The following PCDH15 variants were observed in gnomAD, a reference collection of about 807,000 sequenced individuals.
PCDH15 encodes the protein protocadherin-15.
Under a neutral mutation model 178.5 loss-of-function variants are expected in PCDH15, and 129 were observed. That is an observed-to-expected ratio of 0.72 (90% CI 0.63 to 0.84). The LOEUF (loss-of-function observed/expected upper bound fraction) is 0.84. Among genes scored for constraint, PCDH15 ranks in the 40% least tolerant of loss-of-function variants. The pLI, the probability that PCDH15 is intolerant of heterozygous loss-of-function variation, is 0.00. For missense variants in PCDH15, 2,230 were observed against 2,099.9 expected (o/e 1.06, Z -1.21); for synonymous variants, 800 against 732.0 (o/e 1.09, Z -1.50).
chr10:55,495,119 T>A (rs985274236), intron 2 of PCDH15, among the ~76,000 whole-genome samples: 1 of 151,730 alleles, frequency 6.6e-6, no homozygotes, highest in African/African-American at 2.4e-5. Context: ...ATTATATACC[T>A]AAATATGTAT....
chr10:54,050,886 T>C (rs984465806), intron 18 of PCDH15, among the ~76,000 whole-genome samples: 13 of 152,130 alleles, frequency 8.5e-5, no homozygotes, highest in Non-Finnish European at 1.9e-4. Flanking sequence ...TTGGAGGTAA[T>C]TGAATCATGG....
intron 15 of PCDH15, among the ~76,000 whole-genome samples, chr10:54,103,166 T>C (rs1404879998): frequency 6.6e-6 from 1 of 152,196 alleles, no homozygotes; most frequent in Admixed American, 6.5e-5. Flanking sequence ...GATTCTCTGT[T>C]TTTATAATTC....
intron 2 of PCDH15, among the ~76,000 whole-genome samples, chr10:54,611,077 T>G (rs868633845): frequency 2.6e-5 from 4 of 151,780 alleles, no homozygotes; most frequent in South Asian, 4.1e-4. Context: ...TAACACAATA[T>G]AGTCCACAAA....
intron 2 of PCDH15, among the ~76,000 whole-genome samples, chr10:54,975,036 A>G (rs999092647): frequency 2.6e-5 from 4 of 152,136 alleles, no homozygotes; most frequent in Non-Finnish European, 5.9e-5. Context: ...TAGCTTTTCT[A>G]TTGGACACAC....
intron 15 of PCDH15, among the ~76,000 whole-genome samples, chr10:54,110,761 G>GA (rs2095006066): frequency 1.3e-5 from 2 of 152,110 alleles, no homozygotes; most frequent in Non-Finnish European, 2.9e-5. Context: ...GTATGACTGG[G>GA]AAAATCAGAG....
At chr10:55,388,531 C>A (rs959330987) in intron 2 of PCDH15, among the ~76,000 whole-genome samples, 1 of 151,990 alleles carries the variant, frequency 6.6e-6, no homozygotes, top group African/African-American at 2.4e-5. Flanking sequence ...GATCTTCAAA[C>A]AAATTAACAG....
intron 19 of PCDH15, among the ~76,000 whole-genome samples, chr10:54,021,570 C>T (rs1192447353): frequency 2.6e-5 from 4 of 151,804 alleles, no homozygotes; most frequent in South Asian, 2.1e-4. Flanking sequence ...CAGGCTTTTT[C>T]CCCCCAACTA....
chr10:53,845,176 C>T (rs1283365017), intron 28 of PCDH15, among the ~76,000 whole-genome samples: 1 of 151,870 alleles, frequency 6.6e-6, no homozygotes, highest in Non-Finnish European at 1.5e-5. Flanking sequence ...GAAATATTAT[C>T]TCATCCCAAC....
intron 2 of PCDH15, among the ~76,000 whole-genome samples, chr10:55,517,260 G>T (rs1184528856): frequency 1.3e-5 from 2 of 152,006 alleles, no homozygotes; most frequent in Non-Finnish European, 2.9e-5. Flanking sequence ...GTTGTTGTTT[G>T]CTTCTTTTAC....
intron 2 of PCDH15, among the ~76,000 whole-genome samples, chr10:54,945,133 T>C (rs1015657253): frequency 2.6e-5 from 4 of 151,892 alleles, no homozygotes; most frequent in Non-Finnish European, 4.4e-5. Flanking sequence ...AGTTTTATTA[T>C]ATTTTTGTTG....
At chr10:55,069,291 T>C (rs1591875879) in intron 2 of PCDH15, among the ~76,000 whole-genome samples, 1 of 151,596 alleles carries the variant, frequency 6.6e-6, no homozygotes, top group Non-Finnish European at 1.5e-5. Flanking sequence ...AATTTTTTTT[T>C]TATACTTTAA....
chr10:55,201,272 A>G (rs1433730635), intron 1 of PCDH15, among the ~76,000 whole-genome samples: 1 of 152,120 alleles, frequency 6.6e-6, no homozygotes, highest in Non-Finnish European at 1.5e-5. Context: ...GGTCACGCAG[A>G]GCCTGAAGAT....
chr10:55,169,489 T>TTA (rs1380180861), intron 1 of PCDH15, among the ~76,000 whole-genome samples: 1 of 152,148 alleles, frequency 6.6e-6, no homozygotes, highest in Non-Finnish European at 1.5e-5. Flanking sequence ...GCAGAAAGGT[T>TTA]TATACTGTGA....
intron 21 of PCDH15, 156 bp downstream of exon 21, chr10:53,995,493 A>G: frequency 2.2e-6 from 3 of 1,344,450 alleles, no homozygotes; most frequent in Non-Finnish European, 3.1e-6. Flanking sequence ...TATGCTCTGT[A>G]CCTGTGGATG....
At chr10:54,117,249 G>A (rs1034100952) in intron 15 of PCDH15, among the ~76,000 whole-genome samples, 1 of 149,038 alleles carries the variant, frequency 6.7e-6, no homozygotes, top group Non-Finnish European at 1.5e-5. Flanking sequence ...TGCTACAAGA[G>A]GGCAGGCAGC....
Position 53,809,364 on chromosome 10 carries a change from G to A in PCDH15, c.4671+1192C>T, listed in dbSNP as rs935682630. ...GCCACTCTTCACCCTCAAGGTCAAC[G>A]ATTCCTCTTTTATCAGCTAATCCTC... On this transcript the variant is annotated intron_variant, in intron 37 of 37. Coordinates refer to ENST00000644397, the MANE Select transcript of PCDH15 (RefSeq NM_001384140.1). The A allele has an allele frequency of 1.2e-5, 19 of 1,613,804 alleles. No homozygotes were observed. The highest frequency in any genetic ancestry group is 8.9e-5 in the East Asian group (4 of 44,882).
chr10:55,457,997 C>T (rs1347904966), intron 2 of PCDH15, among the ~76,000 whole-genome samples: 1 of 151,964 alleles, frequency 6.6e-6, no homozygotes, highest in Admixed American at 6.6e-5. Context: ...CTGAGTACAA[C>T]ATAAGGAATC....
At chr10:54,062,049 A>C (rs991050587) in intron 18 of PCDH15, among the ~76,000 whole-genome samples, 1 of 151,828 alleles carries the variant, frequency 6.6e-6, no homozygotes, top group African/African-American at 2.4e-5. Flanking sequence ...ACATGGCACA[A>C]ACCTGTCTCT....
intron 2 of PCDH15, among the ~76,000 whole-genome samples, chr10:55,491,814 G>GA (rs1166870571): frequency 1.3e-5 from 2 of 151,630 alleles, no homozygotes; most frequent in African/African-American, 2.4e-5. Flanking sequence ...CTGTTTAATA[G>GA]AAAAAATGAG....
Sources: allele counts gnomAD v4.1 joint callset (sites outside exome capture counted in the v4.1 genomes callset), GRCh38; gene constraint gnomAD v4.1.1; transcripts MANE v1.5; gene names NCBI Gene and HGNC (gene_info 2026-07-23, HGNC 2026-07-21).